The following KCTD1 variants were observed in gnomAD, a reference collection of about 807,000 sequenced individuals.
The protein encoded by KCTD1 is BTB/POZ domain-containing protein KCTD1.
A neutral mutation model predicts 66.0 loss-of-function variants in KCTD1; 24 were observed. The ratio of observed to expected loss-of-function variants is 0.36; its 90% confidence interval spans 0.26 to 0.51. The LOEUF (loss-of-function observed/expected upper bound fraction) is 0.51. Ranked by LOEUF, KCTD1 falls within the 20% of genes least tolerant of loss-of-function variation. The probability of loss-of-function intolerance (pLI) is 0.95; values close to 1 mark genes in which losing one functional copy is unlikely to be tolerated. For synonymous variants in KCTD1, 511 were observed against 517.2 expected, an observed-to-expected ratio of 0.99 and a Z score of 0.16; for missense variants, 943 against 1,205.2, an observed-to-expected ratio of 0.78 and a Z score of 3.22.
intron 1 of KCTD1, among the ~76,000 whole-genome samples, chr18:26,610,455 G>A (rs902224878): frequency 2.6e-5 from 4 of 152,148 alleles, no homozygotes; most frequent in African/African-American, 7.2e-5. Flanking sequence ...GCACATGCCT[G>A]TAGTCCTAGC....
At chr18:26,491,541 A>C (rs1982201259) in intron 2 of KCTD1, among the ~76,000 whole-genome samples, 1 of 152,196 alleles carries the variant, frequency 6.6e-6, no homozygotes, top group Non-Finnish European at 1.5e-5. Context: ...AAATAAGAAC[A>C]AGACCCATTT....
chr18:26,621,128 C>T (rs992537512), intron 1 of KCTD1, among the ~76,000 whole-genome samples: 1 of 152,188 alleles, frequency 6.6e-6, no homozygotes, highest in Non-Finnish European at 1.5e-5. Context: ...CCACCGTGCA[C>T]GGCCGAAAAG....
chr18:26,600,140 G>A, intron 1 of KCTD1: 1 of 1,608,300 alleles, frequency 6.2e-7, no homozygotes, highest in Non-Finnish European at 8.5e-7. Flanking sequence ...AGGAAGGCCT[G>A]TAAGAACTGC....
intron 1 of KCTD1, among the ~76,000 whole-genome samples, chr18:26,597,126 G>A (rs991162173): frequency 1.3e-5 from 2 of 152,074 alleles, no homozygotes; most frequent in African/African-American, 2.4e-5. Flanking sequence ...GGGTGAGGAG[G>A]ACCTCCATGT....
chr18:26,470,879 T>C (rs1410851725), intron 3 of KCTD1, among the ~76,000 whole-genome samples: 1 of 152,088 alleles, frequency 6.6e-6, no homozygotes, highest in Non-Finnish European at 1.5e-5. Context: ...AGAGGGGCAG[T>C]TGTCAGGGGG....
At chr18:26,471,862 G>A (rs1981081886) in intron 3 of KCTD1, among the ~76,000 whole-genome samples, 1 of 152,174 alleles carries the variant, frequency 6.6e-6, no homozygotes, top group South Asian at 2.1e-4. Context: ...GGAGGGGGTA[G>A]ACCAATTGTG....
chr18:26,646,241 C>T lies in KCTD1; in HGVS notation c.9+11119G>A, dbSNP rs117380973. Among the ~76,000 whole-genome samples, 835 of 152,310 alleles carry T rather than the reference C, an allele frequency of 5.5e-3. 1 individual carries two copies. The highest frequency in any genetic ancestry group is 0.017 in the Middle Eastern group (5 of 294). ...TCTGTTAGCATGGATCAAGAGCTGA[C>T]TCCTTTCCAATATACTTTGTCAAGT... is the stretch of plus-strand genomic sequence containing the variant. On this transcript the variant is annotated intron_variant, in intron 1 of 4. Coordinates refer to the KCTD1 transcript ENST00000580191.
intron 1 of KCTD1, chr18:26,655,715 T>C (rs111542722): frequency 6.6e-6 from 1 of 152,314 alleles, no homozygotes; most frequent in Non-Finnish European, 1.5e-5. Flanking sequence ...TGAAAACGTT[T>C]TGATACCAGA....
At chr18:26,485,157 A>G (rs775089116) in intron 2 of KCTD1, among the ~76,000 whole-genome samples, 11 of 152,248 alleles carry the variant, frequency 7.2e-5, no homozygotes, top group East Asian at 1.9e-4. Flanking sequence ...CTCATGAGGA[A>G]TAAGTGGATA....
At chr18:26,494,602 T>C (rs768903223) in intron 2 of KCTD1, among the ~76,000 whole-genome samples, 2 of 152,216 alleles carry the variant, frequency 1.3e-5, no homozygotes, top group East Asian at 1.9e-4. Context: ...TCCAGTTTCA[T>C]TGTTTTTTTA....
intron 1 of KCTD1, among the ~76,000 whole-genome samples, chr18:26,621,138 G>T (rs535396897): frequency 6.6e-6 from 1 of 152,214 alleles, no homozygotes; most frequent in Non-Finnish European, 1.5e-5. Context: ...CGGCCGAAAA[G>T]AATTCTTTAC....
intron 2 of KCTD1, among the ~76,000 whole-genome samples, chr18:26,493,262 G>A (rs1982300119): frequency 6.6e-6 from 1 of 152,190 alleles, no homozygotes; most frequent in Admixed American, 6.5e-5. Flanking sequence ...GTGCAAATGT[G>A]CGATGTCTGT....
In KCTD1 at chr18:26,547,049, G is replaced by T. The variant is rs1289520458; in HGVS notation, c.1488C>A (p.Pro496=). Residue 496 remains proline (P), a synonymous_variant, in exon 1 of 5, where the codon CCC becomes CCA. Coordinates refer to ENST00000580059, the MANE Select transcript of KCTD1 (RefSeq NM_001142730.3). The part of the protein sequence containing the change: ...GAARHHSHHP[P]THPSHHHRPQ... ...GGCGGTGGTGGTGGGAGGGATGGGTGGGGGGGTGGTGGGAGTGGTGCCGTG... is the reference window on the plus strand; with the variant it reads ...GGCGGTGGTGGTGGGAGGGATGGGTTGGGGGGTGGTGGGAGTGGTGCCGTG... The T allele has an allele frequency of 6.7e-7, 1 of 1,489,510 alleles. No individual in the cohort carries two copies. The highest frequency in any genetic ancestry group is 9.0e-7 in the Non-Finnish European group (1 of 1,115,358). 92.3% of individuals were successfully genotyped at this position (1,489,510 alleles called of 1,614,324 possible). A position where few individuals can be genotyped will look rare whatever the true frequency, so the allele number is the denominator to read the frequency against.
intron 1 of KCTD1, among the ~76,000 whole-genome samples, chr18:26,539,373 T>A (rs1160575048): frequency 6.6e-6 from 1 of 151,902 alleles, no homozygotes; most frequent in African/African-American, 2.4e-5. Flanking sequence ...TGCCTAGGAG[T>A]CTTTTCAAGC....
At chr18:26,612,810 G>A (rs1324127234) in intron 1 of KCTD1, among the ~76,000 whole-genome samples, 1 of 152,188 alleles carries the variant, frequency 6.6e-6, no homozygotes, top group Non-Finnish European at 1.5e-5. Context: ...AGCAAGCATA[G>A]GGCTCAGCAC....
At chr18:26,457,153 C>CAAAT (rs1980134230) in intron 4 of KCTD1, 1 of 151,084 alleles carries the variant, frequency 6.6e-6, no homozygotes, top group Non-Finnish European at 1.5e-5. Flanking sequence ...CAAGTGCTGG[C>CAAAT]AAATTAAAAA....
At chr18:26,465,615 G>C (rs1053237624) in intron 3 of KCTD1, among the ~76,000 whole-genome samples, 2 of 152,218 alleles carry the variant, frequency 1.3e-5, no homozygotes, top group Non-Finnish European at 2.9e-5. Context: ...CCCTGCCACT[G>C]TCTCCACTCC....
At chr18:26,517,869 G>A (rs1983734521) in intron 1 of KCTD1, among the ~76,000 whole-genome samples, 1 of 152,222 alleles carries the variant, frequency 6.6e-6, no homozygotes, top group Admixed American at 6.5e-5. Flanking sequence ...GACTAACACA[G>A]CGGCCAAACA....
At chr18:26,549,872 C>T (rs868274701), upstream of KCTD1, 1 of 916,296 alleles carries the variant, frequency 1.1e-6, no homozygotes. Context: ...CCACTTCCAG[C>T]CAAACGCCCG....
Sources: allele counts gnomAD v4.1 joint callset (sites outside exome capture counted in the v4.1 genomes callset), GRCh38; gene constraint gnomAD v4.1.1; transcripts MANE v1.5; gene names NCBI Gene and HGNC (gene_info 2026-07-23, HGNC 2026-07-21).